PTBP3: variants seen among roughly 807,000 people sequenced by gnomAD.
PTBP3 encodes polypyrimidine tract binding protein 3, also known as polypyrimidine tract-binding protein 3.
Under a neutral mutation model 58.7 loss-of-function variants are expected in PTBP3, and 20 were observed. The ratio of observed to expected loss-of-function variants is 0.34; its 90% confidence interval spans 0.24 to 0.50. The LOEUF is 0.50. Ranked by LOEUF, PTBP3 falls within the 20% of genes least tolerant of loss-of-function variation. The pLI, the probability that PTBP3 is intolerant of heterozygous loss-of-function variation, is 0.98. For missense variants in PTBP3, 509 were observed against 637.2 expected, an observed-to-expected ratio of 0.80 and a Z score of 2.17; for synonymous variants, 185 against 219.8, an observed-to-expected ratio of 0.84 and a Z score of 1.40.
At chr9:112,341,958 G>A in the PTBP3 span, among the ~76,000 whole-genome samples, 1 of 152,168 alleles carries the variant, frequency 6.6e-6, no homozygotes, top group Non-Finnish European at 1.5e-5. Context: ...TTATTTCTGG[G>A]TGTGCTGTGA....
intron 10 of PTBP3, among the ~76,000 whole-genome samples, chr9:112,230,288 T>C (rs1294749050): frequency 6.6e-6 from 1 of 152,064 alleles, no homozygotes; most frequent in Non-Finnish European, 1.5e-5. Flanking sequence ...ATCACACCAC[T>C]GCACTCCAGC....
the PTBP3 span, among the ~76,000 whole-genome samples, chr9:112,363,747 T>C: frequency 2.0e-5 from 3 of 152,048 alleles, no homozygotes; most frequent in African/African-American, 4.8e-5. Context: ...CACAGAAAAA[T>C]TGAGCAAAAA....
chr9:112,339,020 C>G, the PTBP3 span, among the ~76,000 whole-genome samples: 1 of 152,184 alleles, frequency 6.6e-6, no homozygotes, highest in Non-Finnish European at 1.5e-5. Flanking sequence ...TACTATATCA[C>G]CTAGGTTCCA....
chr9:112,350,742 A>C, the PTBP3 span, among the ~76,000 whole-genome samples: 1 of 152,200 alleles, frequency 6.6e-6, no homozygotes, highest in Non-Finnish European at 1.5e-5. Context: ...TTAGGTCAGA[A>C]GCTCAGAAAT....
intron 8 of PTBP3, among the ~76,000 whole-genome samples, chr9:112,232,884 T>G (rs964721128): frequency 6.6e-6 from 1 of 152,166 alleles, no homozygotes; most frequent in Non-Finnish European, 1.5e-5. Context: ...AACAGCACAC[T>G]TTCCCACTAT....
At chr9:112,228,541 ATACT>A in intron 10 of PTBP3, 69 bp from the exon 11 acceptor site, 2 of 1,117,324 alleles carry the variant, frequency 1.8e-6, no homozygotes, top group Non-Finnish European at 2.5e-6. Flanking sequence ...TTTTACTAAT[ATACT>A]TAAAGAAGGC....
intron 2 of PTBP3, among the ~76,000 whole-genome samples, chr9:112,277,299 T>C (rs1438328801): frequency 6.6e-6 from 1 of 152,190 alleles, no homozygotes; most frequent in Non-Finnish European, 1.5e-5. Context: ...CTATGTCAGA[T>C]TATGGAAAAT....
the PTBP3 span, among the ~76,000 whole-genome samples, chr9:112,361,659 C>T: frequency 3.3e-5 from 5 of 152,134 alleles, no homozygotes; most frequent in South Asian, 6.2e-4. Context: ...CATTTTGTGG[C>T]ATTATACAAT....
chr9:112,357,301 A>C, the PTBP3 span, among the ~76,000 whole-genome samples: 1 of 152,158 alleles, frequency 6.6e-6, no homozygotes, highest in Non-Finnish European at 1.5e-5. Flanking sequence ...TGCATATTCC[A>C]ATTTGTTAAT....
chr9:112,355,696 A>G, the PTBP3 span, among the ~76,000 whole-genome samples: 120 of 146,156 alleles, frequency 8.2e-4, no homozygotes, highest in Middle Eastern at 3.5e-3. Flanking sequence ...GCGTGATCAC[A>G]GCTCACTGCA....
Position 112,222,533 on chromosome 9 carries a change from C to A in PTBP3, c.*1318G>T, listed in dbSNP as rs1326440814. ...CAAATTGATATGCAATAACCCCTAT[C>A]AGTCACAATGTAAAGAGGCCTACAG... On this transcript the variant is annotated 3_prime_UTR_variant, in exon 14 of 14. Coordinates refer to ENST00000374257, the MANE Select transcript of PTBP3 (RefSeq NM_001163788.4). 1 of 985,558 alleles carries A rather than the reference C, an allele frequency of 1.0e-6. No individual in the cohort carries two copies. Among genetic ancestry groups the A allele is most frequent in the Non-Finnish European group, 1.2e-6 (1 of 829,856 alleles). The allele number at this position is 985,558 out of a possible 1,614,324, so 61.1% of individuals were successfully genotyped here.
chr9:112,268,125 T>C lies in PTBP3; in HGVS notation c.275A>G (p.His92Arg), dbSNP rs138611398. 405 of 1,613,886 alleles carry C rather than the reference T, an allele frequency of 2.5e-4. No homozygotes were observed. The highest frequency in any genetic ancestry group is 2.0e-3 in the Admixed American group (122 of 59,970). ...AATATAAACAGGCTGGCTTCGAAGG[T>C]GAGGAGTAATAGGAGTGTAATAATT... ...MVNYYTPITP[H>R]LRSQPVYIQY... The change falls in exon 4 of 14, where the codon CAC (histidine) becomes CGC (arginine). Residue 92 changes from histidine (H) to arginine (R), a missense_variant. This residue lies in a region of PTBP3 where 212 missense variants were observed against 215.3 expected (regional missense o/e 0.98). Coordinates refer to ENST00000374257, the MANE Select transcript of PTBP3 (RefSeq NM_001163788.4).
chr9:112,374,398 G>GT, the PTBP3 span, among the ~76,000 whole-genome samples: 1 of 152,188 alleles, frequency 6.6e-6, no homozygotes, highest in Non-Finnish European at 1.5e-5. Flanking sequence ...GGGCGTTACG[G>GT]TAAGTAGTGC....
chr9:112,379,024 T>C, the PTBP3 span, among the ~76,000 whole-genome samples: 2 of 152,012 alleles, frequency 1.3e-5, no homozygotes, highest in East Asian at 1.9e-4. Flanking sequence ...CCGTCTCTAC[T>C]AAAAACACAA....
chr9:112,379,553 A>G, the PTBP3 span, among the ~76,000 whole-genome samples: 145,119 of 152,358 alleles, frequency 0.95, 69,175 homozygotes, highest in African/African-American at 0.99. Context: ...TGCACAAGGG[A>G]AGGCTGGCTT....
At chr9:112,376,678 T>C in the PTBP3 span, among the ~76,000 whole-genome samples, 1 of 152,096 alleles carries the variant, frequency 6.6e-6, no homozygotes, top group Admixed American at 6.5e-5. Context: ...AAGAAGGGGA[T>C]AAACGCACAG....
At position 112,237,721 on chromosome 9, in the gene PTBP3, G is replaced by C. The variant is rs576970218; in HGVS notation, c.803-2824C>G. ...AGGCCAGAAGCAAATCCCAGGGTTA[G>C]CCCACAGTGAGAAGTCAACAGGATA... On this transcript the variant is annotated intron_variant, in intron 7 of 13. Coordinates refer to ENST00000374257, the MANE Select transcript of PTBP3 (RefSeq NM_001163788.4). 1.5e-3 allele frequency among the ~76,000 whole-genome samples: 235 copies of C among 152,262 alleles called. 1 individual carries two copies. The highest frequency in any genetic ancestry group is 5.5e-3 in the African/African-American group (229 of 41,554).
intron 3 of PTBP3, among the ~76,000 whole-genome samples, chr9:112,269,948 C>CTTTT (rs111363648): frequency 7.0e-6 from 1 of 143,018 alleles, no homozygotes; most frequent in African/African-American, 2.6e-5. Flanking sequence ...TCCAAATCTT[C>CTTTT]TTTTTTTTTT....
At chr9:112,227,272 G>T in intron 12 of PTBP3, 139 bp downstream of exon 12, 1 of 802,826 alleles carries the variant, frequency 1.2e-6, no homozygotes, top group Non-Finnish European at 2.0e-6. Context: ...AGGCATGATG[G>T]CAAATAAATT....
Sources: allele counts gnomAD v4.1 joint callset (sites outside exome capture counted in the v4.1 genomes callset), GRCh38; gene constraint gnomAD v4.1.1; regional missense constraint gnomAD v4.1.1; transcripts MANE v1.5; gene names NCBI Gene and HGNC (gene_info 2026-07-23, HGNC 2026-07-21).